Variants in ATP6V0A1 observed in about 807,000 individuals in gnomAD.
ATP6V0A1 encodes V-type proton ATPase 116 kDa subunit a 1.
Under a neutral mutation model 105.4 loss-of-function variants are expected in ATP6V0A1, and 43 were observed. The ratio of observed to expected loss-of-function variants is 0.41; its 90% CI spans 0.32 to 0.53. The LOEUF (loss-of-function observed/expected upper bound fraction) is 0.53. Ranked by LOEUF, ATP6V0A1 falls within the 20% of genes least tolerant of loss-of-function variation. The pLI is 0.30. For missense variants in ATP6V0A1, 676 were observed against 1,051.1 expected (o/e 0.64, Z 4.93); for synonymous variants, 362 against 372.8 (o/e 0.97, Z 0.33).
chr17:42,497,017 A>G (rs1317033489), intron 14 of ATP6V0A1, among the ~76,000 whole-genome samples: 1 of 152,144 alleles, frequency 6.6e-6, no homozygotes, highest in Admixed American at 6.5e-5. Flanking sequence ...ATCATAATGT[A>G]TAAGCCAGGC....
Position 42,500,852 on chromosome 17 carries a change from C to G in ATP6V0A1, c.1825C>G (p.Leu609Val). The change falls in exon 16 of 22, where the codon CTG becomes GTG. Residue 609 changes from leucine to valine, a missense_variant. By Grantham distance (32) the Leu-to-Val change is conservative. Transcript: ENST00000343619. ...TACCTCTGAGAATGCACCAAGCCTT[C>G]TGATCCATTTCATAAACATGTTCCT... ...AHTSENAPSL[L>V]IHFINMFLFS... The G allele has an allele frequency of 6.2e-7, 1 of 1,614,188 alleles. No individual in the cohort carries two copies.
intron 15 of ATP6V0A1, 29 bp from the exon 16 acceptor site, chr17:42,500,678 C>T (rs1188217997): frequency 6.3e-7 from 1 of 1,577,694 alleles, no homozygotes; most frequent in Non-Finnish European, 8.7e-7. Context: ...CCCATTTACC[C>T]TTAACATTTT....
intron 2 of ATP6V0A1, among the ~76,000 whole-genome samples, chr17:42,464,308 A>G (rs2086777092): frequency 6.6e-6 from 1 of 152,218 alleles, no homozygotes; most frequent in African/African-American, 2.4e-5. Context: ...AATTGCTAAT[A>G]AAAATTTTTG....
At chr17:42,475,809 A>C (rs1175869339) in intron 5 of ATP6V0A1, among the ~76,000 whole-genome samples, 1 of 152,158 alleles carries the variant, frequency 6.6e-6, no homozygotes, top group East Asian at 1.9e-4. Context: ...TAGCAATTCA[A>C]ATATTATCGC....
intron 9 of ATP6V0A1, among the ~76,000 whole-genome samples, chr17:42,485,705 C>T (rs2090041817): frequency 1.3e-5 from 2 of 152,134 alleles, no homozygotes; most frequent in South Asian, 4.1e-4. Context: ...TGCCTGCTGC[C>T]ATGCCCAGCT....
chr17:42,467,924 G>C, intron 3 of ATP6V0A1, 86 bp from the exon 4 acceptor site: 1 of 701,940 alleles, frequency 1.4e-6, no homozygotes, highest in Non-Finnish European at 2.2e-6. Context: ...TTGTAACCAG[G>C]TCTTAGATGT....
intron 9 of ATP6V0A1, among the ~76,000 whole-genome samples, chr17:42,483,762 A>G (rs2089803456): frequency 6.6e-6 from 1 of 152,028 alleles, no homozygotes; most frequent in Non-Finnish European, 1.5e-5. Flanking sequence ...TTGTATTTTT[A>G]GTAGAGACAG....
At chr17:42,499,787 C>CAA (rs773248675) in intron 15 of ATP6V0A1, among the ~76,000 whole-genome samples, 86 of 123,222 alleles carry the variant, frequency 7.0e-4, no homozygotes, top group African/African-American at 2.6e-3. Context: ...GACTCCATCT[C>CAA]AAAAAAAAAA....
In ATP6V0A1 at chr17:42,494,428, G is replaced by A. The variant is rs1030007724; in HGVS notation, c.1269G>A (p.Met423Ile). The A allele has an allele frequency of 1.2e-5, 19 of 1,613,700 alleles. No individual in the cohort carries two copies. The highest frequency in any genetic ancestry group is 1.6e-5 in the Non-Finnish European group (19 of 1,179,880). The change falls in exon 12 of 22, where the codon ATG (methionine) becomes ATA (isoleucine). Residue 423 changes from methionine (M) to isoleucine (I), a missense_variant. This residue lies in a region of ATP6V0A1 where 435 missense variants were observed against 642.2 expected (regional missense o/e 0.68). Coordinates refer to ENST00000343619, the MANE Select transcript of ATP6V0A1 (RefSeq NM_001130021.3). ...GILMTLFAVWMVLRESRILSQ... is the reference protein window; with the variant it reads ...GILMTLFAVWIVLRESRILSQ... ...TAATGACCCTTTTTGCTGTGTGGAT[G>A]GTACTGAGGGAGAGCCGGATCCTTT...
chr17:42,484,333 A>G (rs1052874949), intron 9 of ATP6V0A1, among the ~76,000 whole-genome samples: 1 of 152,202 alleles, frequency 6.6e-6, no homozygotes, highest in Non-Finnish European at 1.5e-5. Context: ...CTGGGATTAT[A>G]GGTGTGAGCC....
chr17:42,482,984 C>G, intron 8 of ATP6V0A1, 54 bp from the exon 9 acceptor site: 1 of 1,229,686 alleles, frequency 8.1e-7, no homozygotes, highest in Non-Finnish European at 1.1e-6. Context: ...GGATTACTTT[C>G]TGAGATTATT....
chr17:42,495,825 G>A, intron 14 of ATP6V0A1, 109 bp downstream of exon 14: 4 of 969,822 alleles, frequency 4.1e-6, no homozygotes, highest in Non-Finnish European at 6.3e-6. Flanking sequence ...ACTGGGCATG[G>A]TCGCTCATGC....
At chr17:42,483,243 CA>C in intron 9 of ATP6V0A1, 112 bp downstream of exon 9, 11 of 744,892 alleles carry the variant, frequency 1.5e-5, no homozygotes, top group African/African-American at 1.8e-5. Context: ...ACCAGGATAC[CA>C]AAAAAAGAAA....
chr17:42,472,071 C>G (rs570970844), intron 5 of ATP6V0A1, among the ~76,000 whole-genome samples: 6 of 144,178 alleles, frequency 4.2e-5, no homozygotes, highest in South Asian at 2.3e-4. Context: ...TTTTTTTTCC[C>G]GAGACAAAGT....
At chr17:42,494,966 T>C in intron 12 of ATP6V0A1, 68 bp from the exon 13 acceptor site, 1 of 1,522,558 alleles carries the variant, frequency 6.6e-7, no homozygotes, top group South Asian at 1.2e-5. Flanking sequence ...AGGTATATTC[T>C]GAATAACATT....
intron 5 of ATP6V0A1, among the ~76,000 whole-genome samples, chr17:42,473,945 C>T (rs917003179): frequency 6.6e-6 from 1 of 151,770 alleles, no homozygotes; most frequent in South Asian, 2.1e-4. Context: ...TTTGAGAAGG[C>T]AGACTCTAAG....
intron 5 of ATP6V0A1, chr17:42,471,337 G>A: frequency 6.7e-6 from 1 of 149,490 alleles, no homozygotes; most frequent in Non-Finnish European, 1.5e-5. Context: ...CAGGAGAATG[G>A]CGTGAACCCG....
At chr17:42,475,158 T>C (rs140648371) in intron 5 of ATP6V0A1, among the ~76,000 whole-genome samples, 1 of 152,256 alleles carries the variant, frequency 6.6e-6, no homozygotes, top group Non-Finnish European at 1.5e-5. Context: ...GCCATTTCCT[T>C]TGGGGCCTAG....
chr17:42,478,638 C>T (rs770249248), intron 7 of ATP6V0A1, 49 bp downstream of exon 7: 1 of 1,496,448 alleles, frequency 6.7e-7, no homozygotes, highest in Non-Finnish European at 9.0e-7. Flanking sequence ...TAAAGGGAGC[C>T]CAGAGCAGTA....
Sources: allele counts gnomAD v4.1 joint callset (sites outside exome capture counted in the v4.1 genomes callset), GRCh38; gene constraint gnomAD v4.1.1; regional missense constraint gnomAD v4.1.1; transcripts MANE v1.5; gene names NCBI Gene and HGNC (gene_info 2026-07-23, HGNC 2026-07-21).